Variants in GRM1 observed in about 807,000 individuals in gnomAD.
GRM1 encodes metabotropic glutamate receptor 1.
GRM1 carries 33 observed loss-of-function variants against 90.9 expected under a neutral mutation model. The ratio of observed to expected loss-of-function variants is 0.36; its 90% CI spans 0.28 to 0.49. GRM1 has a LOEUF of 0.49. GRM1 is among the 20% of genes least tolerant of loss of function. GRM1 has a pLI of 0.99. For missense variants in GRM1, 1,190 were observed against 1,534.3 expected (o/e 0.78, Z 3.75); for synonymous variants, 700 against 613.2 (o/e 1.14, Z -2.09).
At chr6:146,043,792 T>TATAC (rs917955958) in intron 1 of GRM1, among the ~76,000 whole-genome samples, 1 of 135,264 alleles carries the variant, frequency 7.4e-6, no homozygotes, top group Non-Finnish European at 1.6e-5. Context: ...GATATATATA[T>TATAC]ATATATATAT....
intron 1 of GRM1, among the ~76,000 whole-genome samples, chr6:146,036,306 T>C (rs1790890184): frequency 6.6e-6 from 1 of 151,988 alleles, no homozygotes; most frequent in Admixed American, 6.6e-5. Flanking sequence ...TCATGGCACA[T>C]GCTGTTCTGA....
rs533267405 is a variant in GRM1 at position 146,405,909 on chromosome 6, T to G, written c.2660+6210T>G. On this transcript the variant is annotated intron_variant, in intron 7 of 7. Transcript: ENST00000282753. Reference sequence around the variant, plus strand: ...TAAGATAGAACTTGAGGTCTTATCCTTGGAATCACCAAGGATGGGGACTGT... The same window carrying G: ...TAAGATAGAACTTGAGGTCTTATCCGTGGAATCACCAAGGATGGGGACTGT... 2.0e-5 allele frequency among the ~76,000 whole-genome samples: 3 copies of G among 152,316 alleles called. No homozygotes were observed. In the East Asian group the frequency reaches 5.8e-4, roughly 29 times the overall value.
intron 2 of GRM1, among the ~76,000 whole-genome samples, chr6:146,249,699 A>G (rs1028370219): frequency 2.0e-4 from 30 of 152,290 alleles, no homozygotes; most frequent in African/African-American, 7.2e-4. Context: ...CAGAGTTCCC[A>G]CTGGGGTACT....
At position 146,399,448 on chromosome 6, in the gene GRM1, C is replaced by T. The variant is rs760767162; in HGVS notation, c.2409C>T (p.Pro803=). ...GTATCATCTGGCTAGCTTTTGTGCC[C>T]ATTTACTTTGGGAGCAACTACAAGA... ...TTCIIWLAFV[P]IYFGSNYKII... The change falls in exon 7 of 8, where the codon CCC becomes CCT. Residue 803 remains proline, a synonymous_variant. Transcript: ENST00000282753. The surrounding 1 kb of genome is among the most constrained non-coding windows in gnomAD (Gnocchi z 5.4). 2.0e-5 allele frequency: 32 copies of T among 1,614,036 alleles called. No individual in the cohort carries two copies. Among genetic ancestry groups the T allele is most frequent in the African/African-American group, 2.7e-5 (2 of 74,928 alleles).
chr6:146,275,757 A>G (rs938605287), intron 2 of GRM1, among the ~76,000 whole-genome samples: 2 of 152,140 alleles, frequency 1.3e-5, no homozygotes, highest in African/African-American at 2.4e-5. Context: ...TGTTCTCGCC[A>G]TCTAATATTG....
At chr6:146,201,314 T>G (rs1583156718) in intron 2 of GRM1, among the ~76,000 whole-genome samples, 2 of 152,332 alleles carry the variant, frequency 1.3e-5, no homozygotes, top group South Asian at 4.1e-4. Flanking sequence ...TATAATAGAT[T>G]ACTATTTACC....
At chr6:146,431,933 T>C (rs1778426793) in intron 7 of GRM1, among the ~76,000 whole-genome samples, 2 of 152,214 alleles carry the variant, frequency 1.3e-5, no homozygotes, top group South Asian at 2.1e-4. Context: ...TGAGTTTACC[T>C]ACAGTTTTAA....
chr6:146,268,641 A>G (rs1782006417), intron 2 of GRM1, among the ~76,000 whole-genome samples: 1 of 152,214 alleles, frequency 6.6e-6, no homozygotes, highest in African/African-American at 2.4e-5. Context: ...ACCATGAGTC[A>G]GCTCACATAC....
chr6:146,433,653 A>G (rs944641097), intron 7 of GRM1, among the ~76,000 whole-genome samples: 2 of 152,080 alleles, frequency 1.3e-5, no homozygotes, highest in Non-Finnish European at 2.9e-5. Context: ...TATTTCTACA[A>G]CAGACTGGCT....
At chr6:146,224,992 C>T (rs931941560) in intron 2 of GRM1, among the ~76,000 whole-genome samples, 2 of 152,100 alleles carry the variant, frequency 1.3e-5, no homozygotes, top group Non-Finnish European at 2.9e-5. Flanking sequence ...GATGCATCCC[C>T]TTCAAATGGT....
At chr6:146,388,089 C>T (rs888140784) in intron 6 of GRM1, among the ~76,000 whole-genome samples, 1 of 152,044 alleles carries the variant, frequency 6.6e-6, no homozygotes, top group Non-Finnish European at 1.5e-5. Context: ...GTTTTTCACA[C>T]ATCTTGTTAT....
intron 7 of GRM1, among the ~76,000 whole-genome samples, chr6:146,419,486 A>G (rs2223771): frequency 0.013 from 1,953 of 152,312 alleles, 45 homozygotes; most frequent in African/African-American, 0.045. Flanking sequence ...GACAAGCACT[A>G]ATAGTGCAAA....
intron 7 of GRM1, among the ~76,000 whole-genome samples, chr6:146,421,819 G>A (rs1778006032): frequency 6.6e-6 from 1 of 151,894 alleles, no homozygotes; most frequent in Admixed American, 6.6e-5. Flanking sequence ...AAGGAAGGGT[G>A]GAAAAAATTT....
At chr6:146,417,588 C>T (rs984224460) in intron 7 of GRM1, among the ~76,000 whole-genome samples, 5 of 152,104 alleles carry the variant, frequency 3.3e-5, no homozygotes, top group East Asian at 1.9e-4. Context: ...AAGCTATTAA[C>T]GCCTCTGCTT....
chr6:146,034,151 A>C (rs1790801887), intron 1 of GRM1, among the ~76,000 whole-genome samples: 2 of 152,054 alleles, frequency 1.3e-5, no homozygotes, highest in South Asian at 4.1e-4. Context: ...TATCGGAGTT[A>C]AATTGAGAGC....
intron 1 of GRM1, among the ~76,000 whole-genome samples, chr6:146,056,537 T>C (rs574100893): frequency 9.9e-5 from 15 of 152,112 alleles, no homozygotes; most frequent in Non-Finnish European, 1.3e-4. Context: ...ATACAACCAT[T>C]AGAACTGGAC....
At chr6:146,238,335 A>C (rs1780725303) in intron 2 of GRM1, among the ~76,000 whole-genome samples, 2 of 152,058 alleles carry the variant, frequency 1.3e-5, no homozygotes, top group South Asian at 4.1e-4. Context: ...CACATTGGTT[A>C]TTCATTTTAT....
chr6:146,371,537 T>C (rs985000365), intron 5 of GRM1, among the ~76,000 whole-genome samples: 5 of 152,092 alleles, frequency 3.3e-5, no homozygotes, highest in Non-Finnish European at 5.9e-5. Flanking sequence ...ATAGTCACCC[T>C]ACGGTGCTAT....
At chr6:146,277,490 T>C (rs1052705310) in intron 2 of GRM1, among the ~76,000 whole-genome samples, 2 of 152,222 alleles carry the variant, frequency 1.3e-5, no homozygotes, top group African/African-American at 4.8e-5. Flanking sequence ...TGAGGTCACC[T>C]GACTGACTCC....
Sources: gnomAD v4.1 joint callset for allele counts (sites outside exome capture counted in the v4.1 genomes callset) on GRCh38, gnomAD v4.1.1 for gene constraint, Gnocchi (gnomAD v3.1) non-coding constraint, MANE v1.5 for transcripts, NCBI Gene and HGNC (gene_info 2026-07-23, HGNC 2026-07-21) for gene names.